The following SNTG2 variants were observed in gnomAD, a reference collection of about 807,000 sequenced individuals.
SNTG2 encodes the protein syntrophin gamma 2.
A neutral mutation model predicts 70.9 loss-of-function variants in SNTG2; 74 were observed. The ratio of observed to expected loss-of-function variants is 1.04; its 90% CI spans 0.86 to 1.27. The LOEUF (loss-of-function observed/expected upper bound fraction) is 1.27, where lower values mean the gene tolerates loss of function less well. Among genes scored for constraint, SNTG2 ranks in the 50% most tolerant of loss-of-function variants. SNTG2 has a pLI of 0.00. For missense variants in SNTG2, 717 were observed against 690.7 expected, an observed-to-expected ratio of 1.04 and a Z score of -0.43; for synonymous variants, 278 against 273.8, an observed-to-expected ratio of 1.02 and a Z score of -0.15.
chr2:1,231,103 C>G (rs1676207316), intron 9 of SNTG2, among the ~76,000 whole-genome samples: 1 of 149,040 alleles, frequency 6.7e-6, no homozygotes, highest in African/African-American at 2.6e-5. Context: ...ATGACAGTGC[C>G]TCTTCCATAG....
At chr2:1,197,513 A>ATGTGTGTGTGTG (rs769754945) in intron 8 of SNTG2, among the ~76,000 whole-genome samples, 3 of 85,216 alleles carry the variant, frequency 3.5e-5, no homozygotes, top group African/African-American at 1.0e-4. Flanking sequence ...GTATGTATAT[A>ATGTGTGTGTGTG]TATGTGTGTG....
At chr2:1,192,354 C>T (rs931624128) in intron 8 of SNTG2, among the ~76,000 whole-genome samples, 9 of 152,174 alleles carry the variant, frequency 5.9e-5, no homozygotes, top group Non-Finnish European at 1.2e-4. Flanking sequence ...ACCATAGACT[C>T]CACACCCAGG....
chr2:1,218,386 A>G (rs954868531), intron 9 of SNTG2, among the ~76,000 whole-genome samples: 1 of 151,960 alleles, frequency 6.6e-6, no homozygotes, highest in East Asian at 1.9e-4. Flanking sequence ...CTGCCTTAGA[A>G]CTCTGCCTGC....
At chr2:1,179,713 C>T (rs1045352211) in intron 8 of SNTG2, among the ~76,000 whole-genome samples, 1 of 151,516 alleles carries the variant, frequency 6.6e-6, no homozygotes, top group African/African-American at 2.4e-5. Context: ...TTGGAAAAAA[C>T]TACTTTAAAG....
chr2:1,263,432 ATTG>A (rs745871159), intron 13 of SNTG2, among the ~76,000 whole-genome samples: 19 of 152,290 alleles, frequency 1.2e-4, no homozygotes, highest in Non-Finnish European at 2.6e-4. Context: ...AATTCCCTTT[ATTG>A]TTGCTATAAT....
intron 1 of SNTG2, among the ~76,000 whole-genome samples, chr2:983,214 C>CAGAGGTGGAGGTCGGGATGA: frequency 1.2e-5 from 1 of 82,614 alleles, no homozygotes; most frequent in South Asian, 2.9e-4. Flanking sequence ...GGTCAGGATG[C>CAGAGGTGGAGGTCGGGATGA]AGAAGCTGCA....
intron 4 of SNTG2, among the ~76,000 whole-genome samples, chr2:1,120,728 C>A (rs1056999382): frequency 6.6e-6 from 1 of 151,962 alleles, no homozygotes; most frequent in African/African-American, 2.4e-5. Context: ...ATATATGCAT[C>A]CGACATTGGA....
chr2:1,103,166 T>C (rs554940783), intron 4 of SNTG2, among the ~76,000 whole-genome samples: 12 of 152,300 alleles, frequency 7.9e-5, no homozygotes, highest in South Asian at 2.1e-4. Context: ...AGTGCAGATA[T>C]AGGGTTGAGC....
intron 9 of SNTG2, chr2:1,219,811 C>A (rs979051359): frequency 3.3e-5 from 5 of 151,970 alleles, no homozygotes; most frequent in Admixed American, 2.6e-4. Flanking sequence ...TGCCCCACAT[C>A]TACCATGTTT....
intron 8 of SNTG2, among the ~76,000 whole-genome samples, chr2:1,177,532 A>C (rs1457903226): frequency 6.6e-6 from 1 of 152,154 alleles, no homozygotes; most frequent in African/African-American, 2.4e-5. Context: ...GAAGTTAAAA[A>C]GAAAATGATA....
intron 6 of SNTG2, among the ~76,000 whole-genome samples, chr2:1,146,425 C>T (rs1388647302): frequency 6.6e-6 from 1 of 152,118 alleles, no homozygotes; most frequent in Non-Finnish European, 1.5e-5. Flanking sequence ...AGAAGATAGT[C>T]TATGTTCATG....
intron 8 of SNTG2, among the ~76,000 whole-genome samples, chr2:1,176,914 C>T (rs192832508): frequency 1.9e-3 from 283 of 152,274 alleles, no homozygotes; most frequent in South Asian, 8.1e-3. Flanking sequence ...TTGTGGAAGA[C>T]GGTGTGGTGA....
intron 14 of SNTG2, among the ~76,000 whole-genome samples, chr2:1,302,075 C>T (rs1164146665): frequency 6.6e-6 from 1 of 151,936 alleles, no homozygotes; most frequent in Non-Finnish European, 1.5e-5. Context: ...GATTCTCCTG[C>T]CTCATCCTCC....
At chr2:1,221,483 C>T (rs1243096346) in intron 9 of SNTG2, among the ~76,000 whole-genome samples, 2 of 38,876 alleles carry the variant, frequency 5.1e-5, no homozygotes, top group Non-Finnish European at 4.7e-5. Context: ...GTCTCTCTCT[C>T]TCTCTGTCTC....
intron 4 of SNTG2, among the ~76,000 whole-genome samples, chr2:1,123,042 A>AGACAAT (rs1667475127): frequency 1.3e-5 from 2 of 152,174 alleles, no homozygotes. Context: ...ATATTGATGA[A>AGACAAT]GACAATTCAA....
chr2:1,137,879 G>A, intron 6 of SNTG2, 70 bp downstream of exon 6: 1 of 1,372,894 alleles, frequency 7.3e-7, no homozygotes, highest in Non-Finnish European at 1.0e-6. Context: ...CTCTATAGTT[G>A]ATATTTCACT....
At chr2:1,062,061 T>G (rs1662860308) in intron 1 of SNTG2, among the ~76,000 whole-genome samples, 1 of 151,746 alleles carries the variant, frequency 6.6e-6, no homozygotes. Flanking sequence ...CAAACATGAG[T>G]GTAATAGAGG....
chr2:1,227,297 T>C (rs1243065544), intron 9 of SNTG2, among the ~76,000 whole-genome samples: 1 of 152,268 alleles, frequency 6.6e-6, no homozygotes, highest in African/African-American at 2.4e-5. Context: ...ATTGAGCACC[T>C]ACTGTGTGCA....
chr2:1,352,775 ATCTCTGTTT>A (rs1660652500), intron 16 of SNTG2, among the ~76,000 whole-genome samples: 1 of 152,152 alleles, frequency 6.6e-6, no homozygotes, highest in African/African-American at 2.4e-5. Context: ...GGTTATTTAA[ATCTCTGTTT>A]TCTCATTTGA....
Sources: gnomAD v4.1 joint callset for allele counts (sites outside exome capture counted in the v4.1 genomes callset) on GRCh38, gnomAD v4.1.1 for gene constraint, MANE v1.5 for transcripts, NCBI Gene and HGNC (gene_info 2026-07-23, HGNC 2026-07-21) for gene names.